BPTF: variants seen among roughly 807,000 people sequenced by gnomAD.
The protein encoded by BPTF is nucleosome-remodeling factor subunit BPTF.
Under a neutral mutation model 292.5 loss-of-function variants are expected in BPTF, and 18 were observed. The ratio of observed to expected loss-of-function variants is 0.06; its 90% confidence interval spans 0.04 to 0.09. The LOEUF (loss-of-function observed/expected upper bound fraction) is 0.09, where lower values mean the gene tolerates loss of function less well. Among genes scored for constraint, BPTF ranks in the 10% least tolerant of loss-of-function variants. The pLI is 1.00. For missense variants in BPTF, 2,726 were observed against 3,498.7 expected, an observed-to-expected ratio of 0.78 and a Z score of 5.57; for synonymous variants, 1,225 against 1,251.9, an observed-to-expected ratio of 0.98 and a Z score of 0.45.
chr17:67,889,533 C>A (rs914829135), intron 4 of BPTF, among the ~76,000 whole-genome samples: 1 of 152,098 alleles, frequency 6.6e-6, no homozygotes, highest in Non-Finnish European at 1.5e-5. Flanking sequence ...GAAGGCCAGG[C>A]GCAGTGGCTC....
Position 67,911,923 on chromosome 17 carries a change from G to T in BPTF, c.4039G>T (p.Asp1347Tyr). ...TGGTGAGTCCACTGGAAACTGTGAG[G>T]ACAGGCTGCCGGTCAAGGGGACTGA... ...VSGESTGNCE[D>Y]RLPVKGTEAN... Residue 1347 changes from aspartate to tyrosine, a missense_variant, in exon 11 of 28, where the codon GAC becomes TAC. Transcript: ENST00000306378. 6.2e-7 allele frequency: 1 copy of T among 1,614,084 alleles called. No homozygotes were observed. The highest frequency in any genetic ancestry group is 8.5e-7 in the Non-Finnish European group (1 of 1,180,022).
At chr17:67,961,476 C>T (rs1274510814) in intron 24 of BPTF, among the ~76,000 whole-genome samples, 2 of 152,080 alleles carry the variant, frequency 1.3e-5, no homozygotes, top group Non-Finnish European at 2.9e-5. Context: ...CAGCCTATCA[C>T]CCTGTGGAGA....
chr17:67,828,077 GCC>G (rs2056278613), intron 1 of BPTF, among the ~76,000 whole-genome samples: 1 of 151,356 alleles, frequency 6.6e-6, no homozygotes, highest in South Asian at 2.1e-4. Flanking sequence ...GATTACAGGT[GCC>G]CACCAGCACA....
At chr17:67,890,345 T>A (rs1158002032) in intron 4 of BPTF, among the ~76,000 whole-genome samples, 1 of 152,212 alleles carries the variant, frequency 6.6e-6, no homozygotes, top group Non-Finnish European at 1.5e-5. Context: ...TTCTGTTTAT[T>A]TCTTCTTTGT....
At chr17:67,931,493 A>G (rs1196868370) in intron 17 of BPTF, among the ~76,000 whole-genome samples, 1 of 152,048 alleles carries the variant, frequency 6.6e-6, no homozygotes, top group Non-Finnish European at 1.5e-5. Flanking sequence ...ATAAATAAAT[A>G]AATAAATAAT....
chr17:67,947,508 A>G (rs1254175567), intron 21 of BPTF, among the ~76,000 whole-genome samples: 1 of 152,252 alleles, frequency 6.6e-6, no homozygotes, highest in African/African-American at 2.4e-5. Context: ...TGTAAGGAAT[A>G]AACGAGGTAA....
At chr17:67,895,872 G>C (rs2061406483) in intron 7 of BPTF, among the ~76,000 whole-genome samples, 1 of 148,042 alleles carries the variant, frequency 6.8e-6, no homozygotes, top group Admixed American at 6.6e-5. Context: ...CTTTTACCCT[G>C]TGTACATGAG....
At chr17:67,958,712 C>G (rs1464756142) in intron 23 of BPTF, among the ~76,000 whole-genome samples, 8 of 151,844 alleles carry the variant, frequency 5.3e-5, no homozygotes, top group Non-Finnish European at 7.4e-5. Flanking sequence ...GCCTAGGCAA[C>G]AAAGCACTTT....
Position 67,945,383 on chromosome 17 carries a change from A to G in BPTF, c.6701-26A>G, listed in dbSNP as rs200499768. ...ACAGTTTTATGTTCCAGAGTAATAG[A>G]AATGGTTCATCTTTCCTTTTTACAG... On this transcript the variant is annotated intron_variant, in intron 20 of 27. Coordinates refer to ENST00000306378, the MANE Select transcript of BPTF (RefSeq NM_182641.4). The G allele has an allele frequency of 1.4e-5, 22 of 1,587,562 alleles. No individual in the cohort carries two copies. In the East Asian group the frequency reaches 4.9e-4, roughly 36 times the overall value.
intron 1 of BPTF, among the ~76,000 whole-genome samples, chr17:67,853,431 A>G (rs1156524273): frequency 1.3e-5 from 2 of 152,176 alleles, no homozygotes; most frequent in African/African-American, 4.8e-5. Context: ...ACTTCTGACA[A>G]AAAAAGAGGT....
intron 4 of BPTF, 79 bp from the exon 5 acceptor site, chr17:67,891,765 T>TA: frequency 9.0e-7 from 1 of 1,106,076 alleles, no homozygotes; most frequent in South Asian, 2.0e-5. Flanking sequence ...ATACACCAGA[T>TA]ACGAGTTTTG....
rs974538364 is a variant in BPTF, at chr17:67,839,228, G to A, written c.613+12891G>A. Among the ~76,000 whole-genome samples the A allele has an allele frequency of 3.9e-5, 6 of 152,040 alleles. No individual in the cohort carries two copies. In the South Asian group the frequency reaches 8.3e-4, roughly 21 times the overall value. On this transcript the variant is annotated intron_variant, in intron 1 of 27. Coordinates refer to ENST00000306378, the MANE Select transcript of BPTF (RefSeq NM_182641.4). ...CGATAGGCATCTTAGTATGCTTTCC[G>A]AATTTAATGGAACTGATGCGAATAT...
intron 4 of BPTF, chr17:67,875,763 C>A: frequency 6.6e-7 from 1 of 1,521,154 alleles, no homozygotes; most frequent in Non-Finnish European, 8.8e-7. Flanking sequence ...GGCAGCGTAT[C>A]AATGCCTCTG....
chr17:67,976,093 A>C, intron 27 of BPTF, 135 bp downstream of exon 27: 2 of 663,448 alleles, frequency 3.0e-6, no homozygotes, highest in Non-Finnish European at 4.6e-6. Flanking sequence ...TAAATAAATC[A>C]AGACTCCAGG....
At chr17:67,845,477 T>C (rs1036541814) in intron 1 of BPTF, among the ~76,000 whole-genome samples, 4 of 152,230 alleles carry the variant, frequency 2.6e-5, no homozygotes, top group Admixed American at 2.0e-4. Context: ...TATTATTCAT[T>C]GTGAAAAACA....
In BPTF at chr17:67,857,408, C is replaced by T. The variant is rs148721507; in HGVS notation, c.1436+2646C>T. Among the ~76,000 whole-genome samples, 614 of 151,564 alleles carry T rather than the reference C, an allele frequency of 4.1e-3. 4 individuals carry two copies. Among genetic ancestry groups the T allele is most frequent in the African/African-American group, 0.014 (593 of 41,326 alleles). On this transcript the variant is annotated intron_variant, in intron 2 of 27. Transcript: ENST00000306378. ...ATCTCCTGACCTTGTGATCTGTCTG[C>T]CTCGGCCTCCCAAAGTGCTGGGATT...
In BPTF at chr17:67,927,964, A is replaced by G. The variant is rs375973781; in HGVS notation, c.5752-391A>G. Among the ~76,000 whole-genome samples, 133 of 152,062 alleles carry G rather than the reference A, an allele frequency of 8.7e-4. No individual in the cohort carries two copies. The Middle Eastern group carries it at 0.01, about 12-fold the overall frequency. On this transcript the variant is annotated intron_variant, in intron 15 of 27. Coordinates refer to ENST00000306378, the MANE Select transcript of BPTF (RefSeq NM_182641.4). ...AGTGGCATGATCTCAGCTTACTGCA[A>G]CCTCTGCCGCCTGGGTTCAAGCAAT...
At chr17:67,846,586 A>G (rs2058045244) in intron 1 of BPTF, among the ~76,000 whole-genome samples, 1 of 152,204 alleles carries the variant, frequency 6.6e-6, no homozygotes. Context: ...TCCCACCTGC[A>G]CAATAGGCAC....
chr17:67,834,745 G>C (rs1431446516), intron 1 of BPTF, among the ~76,000 whole-genome samples: 1 of 152,014 alleles, frequency 6.6e-6, no homozygotes, highest in Non-Finnish European at 1.5e-5. Flanking sequence ...CCTACTTTGG[G>C]CAGGGACAGT....
Sources: gnomAD v4.1 joint callset for allele counts (sites outside exome capture counted in the v4.1 genomes callset) on GRCh38, gnomAD v4.1.1 for gene constraint, MANE v1.5 for transcripts, NCBI Gene and HGNC (gene_info 2026-07-23, HGNC 2026-07-21) for gene names.